Variants in ANKUB1 observed in about 807,000 individuals in gnomAD.
The protein encoded by ANKUB1 is protein ANKUB1.
In ANKUB1, 42 loss-of-function variants were observed where a neutral mutation model predicts 49.3. The ratio of observed to expected loss-of-function variants is 0.85; its 90% CI spans 0.67 to 1.10. The LOEUF is 1.10. ANKUB1 is among the 50% of genes least tolerant of loss of function. ANKUB1 has a pLI of 0.00. For synonymous variants in ANKUB1, 222 were observed against 231.0 expected (o/e 0.96, Z 0.35); for missense variants, 613 against 642.0 (o/e 0.95, Z 0.49).
rs1045449108 is a variant in ANKUB1, at chr3:149,767,323, G to A, written c.1339C>T (p.Pro447Ser). 1.8e-5 allele frequency: 28 copies of A among 1,551,130 alleles called. No individual in the cohort carries two copies. Among genetic ancestry groups the A allele is most frequent in the African/African-American group, 1.2e-4 (9 of 72,984 alleles). The change falls in exon 5 of 6, where the codon CCC becomes TCC. Residue 447 changes from proline to serine, a missense_variant. Physicochemically the swap from Pro to Ser is moderately conservative, Grantham distance 74. Transcript: ENST00000446160. ...KEKLIKNTYL[P>S]QVPLPPVSRV... is the part of the protein sequence containing the mutation. ...GAAACTGGAGGGAGGGGGACTTGGGGAAGATATGTGTTTTTTATGAGCTTT... is the reference window on the plus strand; with the variant it reads ...GAAACTGGAGGGAGGGGGACTTGGGAAAGATATGTGTTTTTTATGAGCTTT...
intron 2 of ANKUB1, among the ~76,000 whole-genome samples, chr3:149,786,903 G>C (rs1718123141): frequency 6.6e-6 from 1 of 152,128 alleles, no homozygotes; most frequent in Non-Finnish European, 1.5e-5. Flanking sequence ...TATTATTTCT[G>C]AGGGCTCTGT....
intron 3 of ANKUB1, among the ~76,000 whole-genome samples, chr3:149,776,863 G>C (rs974662932): frequency 6.6e-6 from 1 of 152,044 alleles, no homozygotes; most frequent in African/African-American, 2.4e-5. Context: ...TGTAGTCCCA[G>C]CTACTCAGGA....
At position 149,767,798 on chromosome 3, in the gene ANKUB1, G is replaced by A; in HGVS notation, c.864C>T (p.Asp288=). The change falls in exon 5 of 6, where the codon GAC becomes GAT. Residue 288 remains aspartate, a synonymous_variant. Transcript: ENST00000446160. ...LTIVFKHKHK[D]CVLYLLSKMW... is the part of the protein sequence containing the mutation. The stretch of plus-strand genomic sequence containing the variant: ...TTTTACTGAGCAAATATAATACACA[G>A]TCTTTATGCTTGTGTTTGAACACAA... The A allele has an allele frequency of 5.2e-6, 8 of 1,551,738 alleles. No individual in the cohort carries two copies. Among genetic ancestry groups the A allele is most frequent in the Non-Finnish European group, 7.0e-6 (8 of 1,146,998 alleles).
At chr3:149,770,161 A>G (rs1383560095) in intron 4 of ANKUB1, among the ~76,000 whole-genome samples, 1 of 152,224 alleles carries the variant, frequency 6.6e-6, no homozygotes, top group African/African-American at 2.4e-5. Context: ...TATATAATAC[A>G]TATACACAAC....
intron 3 of ANKUB1, among the ~76,000 whole-genome samples, chr3:149,776,762 A>T (rs1055554866): frequency 6.6e-6 from 1 of 151,394 alleles, no homozygotes; most frequent in Non-Finnish European, 1.5e-5. Flanking sequence ...GGAGTTTGAG[A>T]CCAGCCTGGC....
chr3:149,767,839 G>C lies in ANKUB1; in HGVS notation c.823C>G (p.Gln275Glu). The C allele has an allele frequency of 6.4e-7, 1 of 1,551,732 alleles. No homozygotes were observed. Among genetic ancestry groups the C allele is most frequent in the Non-Finnish European group, 8.7e-7 (1 of 1,146,990 alleles). Reference sequence around the variant, plus strand: ...TTGAACACAATGGTCAGGGGAGTTTGTCCTGCTGCATTTTTGCATTCCAGG... The same window carrying C: ...TTGAACACAATGGTCAGGGGAGTTTCTCCTGCTGCATTTTTGCATTCCAGG... ...LCLECKNAAG[Q>E]TPLTIVFKHK... The change falls in exon 5 of 6, where the codon CAA becomes GAA. Residue 275 changes from glutamine to glutamate, a missense_variant. Transcript: ENST00000446160.
rs553178860 is a variant in ANKUB1, at chr3:149,777,500, C to CAACAAA, written c.451+2738_451+2739insTTTGTT. Among the ~76,000 whole-genome samples, 436 of 151,432 alleles carry CAACAAA rather than the reference C, an allele frequency of 2.9e-3. 2 individuals are homozygous for CAACAAA. Among genetic ancestry groups the CAACAAA allele is most frequent in the Non-Finnish European group, 4.8e-3 (326 of 67,822 alleles). On this transcript the variant is annotated intron_variant, in intron 3 of 5. Coordinates refer to ENST00000446160, the MANE Select transcript of ANKUB1 (RefSeq NM_001144960.3). ...CAAACAACAACAACAACAACAACAA[C>CAACAAA]AAAAAAACACTCCTGTTCCAGAAGG...
intron 2 of ANKUB1, among the ~76,000 whole-genome samples, chr3:149,787,881 G>A (rs1402589806): frequency 6.6e-6 from 1 of 152,176 alleles, no homozygotes; most frequent in Non-Finnish European, 1.5e-5. Context: ...TTTATTTCAT[G>A]AGACATAATA....
chr3:149,787,729 C>A (rs1366255012), intron 2 of ANKUB1, among the ~76,000 whole-genome samples: 1 of 152,094 alleles, frequency 6.6e-6, no homozygotes, highest in African/African-American at 2.4e-5. Flanking sequence ...TACAGGGAAG[C>A]TGGAAAAAGC....
chr3:149,773,608 C>T (rs1196357950), intron 3 of ANKUB1, among the ~76,000 whole-genome samples: 1 of 152,206 alleles, frequency 6.6e-6, no homozygotes, highest in Non-Finnish European at 1.5e-5. Flanking sequence ...CTTAAACTTT[C>T]TCATAAAATG....
intron 4 of ANKUB1, among the ~76,000 whole-genome samples, chr3:149,769,328 G>C (rs532669057): frequency 6.6e-6 from 1 of 152,062 alleles, no homozygotes; most frequent in African/African-American, 2.4e-5. Context: ...AGCTATACCC[G>C]TTACACTTTA....
Position 149,792,415 on chromosome 3 carries a change from C to T in ANKUB1, c.-49G>A, listed in dbSNP as rs902073043. 19 of 1,383,494 alleles carry T rather than the reference C, an allele frequency of 1.4e-5. No homozygotes were observed. In the Admixed American group the frequency reaches 3.0e-4, roughly 22 times the overall value. 85.7% of individuals were successfully genotyped at this position (1,383,494 alleles called of 1,614,324 possible). ...AAAATATCCAACTTTTTCAAAGATTCTCCTGGATGGCTAGAAAAATTCCGG... is the reference window on the plus strand; with the variant it reads ...AAAATATCCAACTTTTTCAAAGATTTTCCTGGATGGCTAGAAAAATTCCGG... On this transcript the variant is annotated 5_prime_UTR_variant, in exon 1 of 6. Transcript: ENST00000446160.
At chr3:149,765,407 T>G (rs1716968056) in intron 5 of ANKUB1, among the ~76,000 whole-genome samples, 1 of 152,128 alleles carries the variant, frequency 6.6e-6, no homozygotes, top group African/African-American at 2.4e-5. Flanking sequence ...AACATAAAAA[T>G]TCAACAAGCC....
In ANKUB1 at chr3:149,767,536, TGAGCAC is replaced by T; in HGVS notation, c.1120_1125del (p.Val374_Leu375del). ...GTTTGTTTGCTGAGAGATGGTAGCT[TGAGCAC>T]GATGCTTTGTGAGTCGCTGTTCCCA... On this transcript the variant is annotated inframe_deletion, in exon 5 of 6. Coordinates refer to ENST00000446160, the MANE Select transcript of ANKUB1 (RefSeq NM_001144960.3). 3 of 1,551,680 alleles carry T rather than the reference TGAGCAC, an allele frequency of 1.9e-6. No homozygotes were observed. The highest frequency in any genetic ancestry group is 1.7e-6 in the Non-Finnish European group (2 of 1,146,986).
intron 3 of ANKUB1, among the ~76,000 whole-genome samples, chr3:149,771,663 T>C (rs932206762): frequency 6.6e-6 from 1 of 152,154 alleles, no homozygotes; most frequent in African/African-American, 2.4e-5. Context: ...TTTTTTTTCA[T>C]GCTCCCATTA....
rs747714224 is a variant in ANKUB1 at position 149,792,228 on chromosome 3, A to G, written c.90+49T>C. The G allele has an allele frequency of 1.4e-5, 18 of 1,330,512 alleles. No individual in the cohort carries two copies. In the South Asian group the frequency reaches 2.8e-4, roughly 21 times the overall value. 82.4% of individuals were successfully genotyped at this position (1,330,512 alleles called of 1,614,324 possible). Reference sequence around the variant, plus strand: ...CTTTGTACATTTTTAAATGCACTGCATTGTTAAAATTAATATACATTTTGG... The same window carrying G: ...CTTTGTACATTTTTAAATGCACTGCGTTGTTAAAATTAATATACATTTTGG... On this transcript the variant is annotated intron_variant, in intron 1 of 5. Coordinates refer to ENST00000446160, the MANE Select transcript of ANKUB1 (RefSeq NM_001144960.3).
At chr3:149,785,877 A>G (rs1576682338) in intron 2 of ANKUB1, among the ~76,000 whole-genome samples, 1 of 152,302 alleles carries the variant, frequency 6.6e-6, no homozygotes, top group Non-Finnish European at 1.5e-5. Context: ...AGTCCCACCA[A>G]CAGTGTAAAA....
chr3:149,772,694 G>A (rs1048805458), intron 3 of ANKUB1, among the ~76,000 whole-genome samples: 4 of 152,174 alleles, frequency 2.6e-5, no homozygotes, highest in African/African-American at 9.7e-5. Flanking sequence ...CCAAGCTTCA[G>A]GAGGGTGGGG....
rs146785555 is a variant in ANKUB1, at chr3:149,771,002, T to A, written c.452-328A>T. On this transcript the variant is annotated intron_variant, in intron 3 of 5. Coordinates refer to ENST00000446160, the MANE Select transcript of ANKUB1 (RefSeq NM_001144960.3). ...ATTACCATGTAAACTGAAGCCATTA[T>A]ATTGGAAGAGGAAACTAAGGAACCT... Among the ~76,000 whole-genome samples, 338 of 152,348 alleles carry A rather than the reference T, an allele frequency of 2.2e-3. 2 individuals are homozygous for A. The highest frequency in any genetic ancestry group is 7.6e-3 in the African/African-American group (317 of 41,582).
Sources: allele counts gnomAD v4.1 joint callset (sites outside exome capture counted in the v4.1 genomes callset), GRCh38; gene constraint gnomAD v4.1.1; transcripts MANE v1.5; gene names NCBI Gene and HGNC (gene_info 2026-07-23, HGNC 2026-07-21).